The following LCORL variants were observed in gnomAD, a reference collection of about 807,000 sequenced individuals.
The protein encoded by LCORL is ligand dependent nuclear receptor corepressor like.
A neutral mutation model predicts 141.8 loss-of-function variants in LCORL; 41 were observed. The ratio of observed to expected loss-of-function variants is 0.29; its 90% confidence interval spans 0.23 to 0.38. The LOEUF is 0.38. LCORL is among the 10% of genes least tolerant of loss of function. The pLI, the probability that LCORL is intolerant of heterozygous loss-of-function variation, is 1.00. For missense variants in LCORL, 1,759 were observed against 2,035.0 expected, an observed-to-expected ratio of 0.86 and a Z score of 2.61; for synonymous variants, 618 against 694.1, an observed-to-expected ratio of 0.89 and a Z score of 1.72.
At chr4:17,943,896 C>A (rs987224088) in intron 4 of LCORL, among the ~76,000 whole-genome samples, 2 of 152,170 alleles carry the variant, frequency 1.3e-5, no homozygotes, top group African/African-American at 2.4e-5. Context: ...TTATATACTT[C>A]CAAATTTCAT....
intron 1 of LCORL, among the ~76,000 whole-genome samples, chr4:17,974,806 G>A (rs1029684092): frequency 2.0e-5 from 3 of 151,984 alleles, no homozygotes; most frequent in South Asian, 2.1e-4. Context: ...TTAGGCTATC[G>A]ATTTCTTATT....
At chr4:17,976,840 G>A (rs1314431240) in intron 1 of LCORL, among the ~76,000 whole-genome samples, 4 of 152,040 alleles carry the variant, frequency 2.6e-5, no homozygotes, top group African/African-American at 7.2e-5. Context: ...TCTTTCCTCT[G>A]TTCCTCTGTA....
intron 2 of LCORL, among the ~76,000 whole-genome samples, chr4:17,964,463 T>C (rs1259737513): frequency 6.6e-6 from 1 of 152,082 alleles, no homozygotes; most frequent in African/African-American, 2.4e-5. Context: ...TTTAATCCTA[T>C]ATGATTGTAT....
At chr4:17,883,069 T>G in intron 6 of LCORL, 1 of 975,594 alleles carries the variant, frequency 1.0e-6, no homozygotes, top group Non-Finnish European at 1.2e-6. Flanking sequence ...CCCAACTTCT[T>G]GCTAAATCAA....
intron 4 of LCORL, among the ~76,000 whole-genome samples, chr4:17,913,137 T>C (rs142549047): frequency 1.3e-5 from 2 of 152,358 alleles, no homozygotes; most frequent in Admixed American, 6.5e-5. Flanking sequence ...AAAATCCATT[T>C]TGTTTGCATC....
chr4:17,843,584 G>A, exon 8 of LCORL: 1 of 671,808 alleles, frequency 1.5e-6, no homozygotes, highest in African/African-American at 1.8e-5. Context: ...AAGCAGTAGA[G>A]CAGCATCAGT....
intron 4 of LCORL, among the ~76,000 whole-genome samples, chr4:17,958,573 T>C (rs1191108365): frequency 1.3e-5 from 2 of 151,996 alleles, no homozygotes; most frequent in Non-Finnish European, 2.9e-5. Context: ...CCTATGTTTA[T>C]CAACATTCCA....
At chr4:18,010,753 T>C (rs1444509629) in intron 1 of LCORL, among the ~76,000 whole-genome samples, 1 of 152,140 alleles carries the variant, frequency 6.6e-6, no homozygotes, top group East Asian at 1.9e-4. Flanking sequence ...GGCCCGGCCA[T>C]AACATATTTT....
chr4:17,941,797 T>C (rs1738013421), intron 4 of LCORL, among the ~76,000 whole-genome samples: 1 of 152,208 alleles, frequency 6.6e-6, no homozygotes, highest in African/African-American at 2.4e-5. Context: ...GTCTGAGTTG[T>C]AGTGGAAATT....
intron 1 of LCORL, among the ~76,000 whole-genome samples, chr4:18,009,257 C>T (rs568658943): frequency 6.6e-6 from 1 of 152,202 alleles, no homozygotes; most frequent in East Asian, 1.9e-4. Flanking sequence ...AATGAGAAGC[C>T]TGGCTCCCAT....
chr4:17,858,528 C>G (rs1244473468), intron 7 of LCORL, among the ~76,000 whole-genome samples: 1 of 151,140 alleles, frequency 6.6e-6, no homozygotes, highest in African/African-American at 2.4e-5. Flanking sequence ...AGTTCGAGAC[C>G]AGCCTAACGT....
At position 17,902,035 on chromosome 4, in the gene LCORL, C is replaced by CA. The variant is rs1217222177; in HGVS notation, c.682+7058dup. On this transcript the variant is annotated intron_variant, in intron 5 of 7. Coordinates refer to ENST00000635767, the Ensembl canonical transcript of LCORL. ...AAAAAAAATAAGTAATATGTACTTA[C>CA]AAAAAAAAACTGGTTGGGGGTAGAA... Among the ~76,000 whole-genome samples, 60 of 150,514 alleles carry CA rather than the reference C, an allele frequency of 4.0e-4. 1 individual carries two copies. In the South Asian group the frequency reaches 5.9e-3, roughly 15 times the overall value.
exon 8 of LCORL, chr4:17,845,563 A>C: frequency 2.1e-6 from 1 of 481,964 alleles, no homozygotes; most frequent in Non-Finnish European, 3.5e-6. Context: ...ACATGTAAAA[A>C]AAACATATAA....
At chr4:17,995,431 AG>A (rs1720762667) in intron 1 of LCORL, among the ~76,000 whole-genome samples, 2 of 152,236 alleles carry the variant, frequency 1.3e-5, no homozygotes, top group South Asian at 4.1e-4. Flanking sequence ...TCACAATAAA[AG>A]AGAATTCACC....
At chr4:17,886,135 T>C (rs1179182723) in exon 6 of LCORL, 3 of 1,604,634 alleles carry the variant, frequency 1.9e-6, no homozygotes. Context: ...CTGGTTTTCT[T>C]TGTAGAGAGA....
At chr4:17,923,306 A>G (rs1734589101) in intron 4 of LCORL, among the ~76,000 whole-genome samples, 1 of 152,232 alleles carries the variant, frequency 6.6e-6, no homozygotes, top group Non-Finnish European at 1.5e-5. Context: ...GGAGTTAAAA[A>G]AGGTTCTAAT....
At chr4:17,995,082 A>C (rs1720688245) in intron 1 of LCORL, among the ~76,000 whole-genome samples, 1 of 152,164 alleles carries the variant, frequency 6.6e-6, no homozygotes, top group African/African-American at 2.4e-5. Flanking sequence ...ATTCACAGCC[A>C]CAGTGCCATA....
chr4:17,972,727 C>A, intron 2 of LCORL, 93 bp downstream of exon 2: 1 of 432,412 alleles, frequency 2.3e-6, no homozygotes, highest in Non-Finnish European at 3.9e-6. Flanking sequence ...ATCATAAATT[C>A]ATGTTTAATA....
intron 1 of LCORL, among the ~76,000 whole-genome samples, chr4:18,010,548 C>T (rs1189523158): frequency 6.6e-6 from 1 of 152,090 alleles, no homozygotes. Context: ...CTCCCGGGTT[C>T]AAGCGATTCT....
Sources: allele counts gnomAD v4.1 joint callset (sites outside exome capture counted in the v4.1 genomes callset), GRCh38; gene constraint gnomAD v4.1.1; transcripts MANE v1.5; gene names NCBI Gene and HGNC (gene_info 2026-07-23, HGNC 2026-07-21).